CFLAR: variants seen among roughly 807,000 people sequenced by gnomAD.
CFLAR encodes the protein CASP8 and FADD-like apoptosis regulator.
A neutral mutation model predicts 51.1 loss-of-function variants in CFLAR; 14 were observed. That is an observed-to-expected ratio of 0.27 (90% CI 0.18 to 0.43). The LOEUF is 0.43. Ranked by LOEUF, CFLAR falls within the 20% of genes least tolerant of loss-of-function variation. The pLI, the probability that CFLAR is intolerant of heterozygous loss-of-function variation, is 1.00. For missense variants in CFLAR, 390 were observed against 566.5 expected, an observed-to-expected ratio of 0.69 and a Z score of 3.16; for synonymous variants, 210 against 211.6, an observed-to-expected ratio of 0.99 and a Z score of 0.06.
chr2:201,159,439 AG>A (rs2125922711), intron 8 of CFLAR, among the ~76,000 whole-genome samples: 1 of 152,048 alleles, frequency 6.6e-6, no homozygotes, highest in African/African-American at 2.4e-5. Flanking sequence ...CCTCCTGAGT[AG>A]CTGGGACTAC....
intron 2 of CFLAR, chr2:201,132,794 T>C (rs2049504037): frequency 2.6e-6 from 1 of 382,004 alleles, no homozygotes; most frequent in Non-Finnish European, 4.7e-6. Flanking sequence ...AACTGTTAGT[T>C]GGCAAAGGAT....
intron 4 of CFLAR, chr2:201,137,257 C>CA: frequency 4.3e-6 from 1 of 234,210 alleles, no homozygotes; most frequent in Non-Finnish European, 8.5e-6. Flanking sequence ...CTGAGGCAGG[C>CA]ACAGGGCCTG....
chr2:201,129,787 G>C lies in CFLAR; in HGVS notation c.-79G>C, dbSNP rs2125660634. ...GAAGTCAGCCCTCAGAAATGAAGTT[G>C]ACTGCCTGCTGGCTTTCTGTTGACT... On this transcript the variant is annotated 5_prime_UTR_variant, in exon 2 of 10. Transcript: ENST00000309955. The C allele has an allele frequency of 4.4e-6, 6 of 1,360,304 alleles. No individual in the cohort carries two copies. In the East Asian group the frequency reaches 1.4e-4, roughly 31 times the overall value. 84.3% of individuals were successfully genotyped at this position (1,360,304 alleles called of 1,614,324 possible). A position where few individuals can be genotyped will look rare whatever the true frequency, so the allele number is the denominator to read the frequency against.
At chr2:201,145,235 CT>C (rs935360982) in intron 5 of CFLAR, 142 bp from the exon 6 acceptor site, 7 of 544,052 alleles carry the variant, frequency 1.3e-5, no homozygotes, top group African/African-American at 9.7e-5. Flanking sequence ...TCTTGCTATT[CT>C]TTAGATAATT....
At position 201,167,134 on chromosome 2, in the gene CFLAR, T is replaced by C. The variant is rs1426481822; in HGVS notation, c.*3161T>C. 5 of 152,216 alleles carry C rather than the reference T, an allele frequency of 3.3e-5. No individual in the cohort carries two copies. Among genetic ancestry groups the C allele is most frequent in the Non-Finnish European group, 5.9e-5 (4 of 68,036 alleles). 9.4% of individuals were successfully genotyped at this position (152,216 alleles called of 1,614,324 possible). The stretch of plus-strand genomic sequence containing the variant: ...ATCTGTATGTCTATTTGTGTATATT[T>C]TGTCATGATCATGTAACAGAGTCTG... On this transcript the variant is annotated 3_prime_UTR_variant, in exon 10 of 10. Transcript: ENST00000309955.
rs2049079982 is a variant in CFLAR, at chr2:201,129,965, C to T, written c.100C>T (p.Pro34Ser). 2 of 1,614,034 alleles carry T rather than the reference C, an allele frequency of 1.2e-6. No homozygotes were observed. The highest frequency in any genetic ancestry group is 2.7e-5 in the African/African-American group (2 of 74,896). Residue 34 changes from proline to serine, a missense_variant, in exon 2 of 10, where the codon CCA becomes TCA. Pro to Ser is a moderately conservative substitution (Grantham distance 74). Transcript: ENST00000309955. ...CCGGGATGTTGCTATAGATGTGGTT[C>T]CACCTAATGTCAGGGACCTTCTGGA... is the stretch of plus-strand genomic sequence containing the variant. The part of the protein sequence containing the change: ...LCRDVAIDVV[P>S]PNVRDLLDIL...
intron 8 of CFLAR, among the ~76,000 whole-genome samples, chr2:201,159,661 A>C (rs1942775371): frequency 6.6e-6 from 1 of 152,240 alleles, no homozygotes. Flanking sequence ...GAAAAGTAAG[A>C]AGCCTTTTCC....
At chr2:201,161,246 T>C (rs1219706851) in intron 9 of CFLAR, among the ~76,000 whole-genome samples, 1 of 152,148 alleles carries the variant, frequency 6.6e-6, no homozygotes, top group East Asian at 1.9e-4. Context: ...TGGTGTGCGC[T>C]TATAGTCCCA....
At chr2:201,149,915 C>T in intron 8 of CFLAR, 80 bp downstream of exon 8, 1 of 1,058,236 alleles carries the variant, frequency 9.4e-7, no homozygotes. Flanking sequence ...TTGGAGTGAT[C>T]AGCACCAACT....
intron 5 of CFLAR, among the ~76,000 whole-genome samples, chr2:201,140,996 C>T (rs374431221): frequency 4.6e-5 from 7 of 151,946 alleles, no homozygotes; most frequent in South Asian, 2.1e-4. Flanking sequence ...TTTGGGAGGC[C>T]GAGCCGGAAG....
intron 4 of CFLAR, chr2:201,139,423 A>G (rs1210684896): frequency 5.4e-6 from 1 of 186,414 alleles, no homozygotes; most frequent in African/African-American, 2.4e-5. Flanking sequence ...ACACCCATAA[A>G]GGGTCTGTGC....
At position 201,149,050 on chromosome 2, in the gene CFLAR, C is replaced by G. The variant is rs1940795981; in HGVS notation, c.709C>G (p.Gln237Glu). The G allele has an allele frequency of 1.2e-6, 2 of 1,602,790 alleles. No individual in the cohort carries two copies. The highest frequency in any genetic ancestry group is 1.7e-6 in the Non-Finnish European group (2 of 1,169,894). ...TCAGGAATCAGAAGCTTTTTTGCCTCAGGTACAGAATAAATGATCTGATTT... is the reference window on the plus strand; with the variant it reads ...TCAGGAATCAGAAGCTTTTTTGCCTGAGGTACAGAATAAATGATCTGATTT... ...SIQESEAFLPQSIPEERYKMK... is the reference protein window; with the variant it reads ...SIQESEAFLPESIPEERYKMK... The change falls in exon 7 of 10, where the codon CAG (glutamine) becomes GAG (glutamate). Residue 237 changes from glutamine to glutamate, a missense_variant and splice_region_variant. Gln to Glu is a conservative substitution (Grantham distance 29, BLOSUM62 2). This residue lies in a region of CFLAR where 287 missense variants were observed against 363.6 expected (regional missense o/e 0.79). Coordinates refer to ENST00000309955, the MANE Select transcript of CFLAR (RefSeq NM_003879.7).
At chr2:201,131,040 C>G (rs2049256329) in intron 2 of CFLAR, among the ~76,000 whole-genome samples, 1 of 152,184 alleles carries the variant, frequency 6.6e-6, no homozygotes. Flanking sequence ...CATTGAAAAT[C>G]TCTTCAGTTA....
chr2:201,133,481 G>C (rs1368185882), intron 3 of CFLAR, among the ~76,000 whole-genome samples: 1 of 152,086 alleles, frequency 6.6e-6, no homozygotes, highest in Admixed American at 6.6e-5. Flanking sequence ...CAGGAAGGAG[G>C]TGCTAGTCCA....
chr2:201,162,997 G>A (rs760884715), intron 9 of CFLAR: 1 of 748,424 alleles, frequency 1.3e-6, no homozygotes, highest in Non-Finnish European at 2.4e-6. Context: ...GTTTTCTAGG[G>A]GGACAATTCC....
rs117937796 is a variant in CFLAR at position 201,144,855 on chromosome 2, T to A, written c.607-523T>A. On this transcript the variant is annotated intron_variant, in intron 5 of 9. Transcript: ENST00000309955. ...AGCATATTTTTCTTTTCTTTTTTTT[T>A]AATTTTTGTGACAGAGTTTCACTTT... Among the ~76,000 whole-genome samples, 551 of 152,288 alleles carry A rather than the reference T, an allele frequency of 3.6e-3. 4 individuals are homozygous for A. The highest frequency in any genetic ancestry group is 0.011 in the African/African-American group (468 of 41,562).
intron 9 of CFLAR, chr2:201,162,721 C>T: frequency 3.0e-6 from 1 of 332,432 alleles, no homozygotes; most frequent in South Asian, 2.8e-5. Flanking sequence ...ACAGGCACCC[C>T]TCTATCCCAT....
intron 2 of CFLAR, 41 bp downstream of exon 2, chr2:201,130,187 G>GCCA: frequency 1.0e-5 from 3 of 292,392 alleles, no homozygotes; most frequent in East Asian, 9.3e-5. Context: ...GGGTGGGAGG[G>GCCA]AGTGAAGTGT....
chr2:201,141,325 A>G (rs752012429), intron 5 of CFLAR: 1 of 1,538,770 alleles, frequency 6.5e-7, no homozygotes, highest in South Asian at 1.2e-5. Context: ...GTAACTATCC[A>G]GAGATAGTCT....
Sources: allele counts gnomAD v4.1 joint callset (sites outside exome capture counted in the v4.1 genomes callset), GRCh38; gene constraint gnomAD v4.1.1; regional missense constraint gnomAD v4.1.1; transcripts MANE v1.5; gene names NCBI Gene and HGNC (gene_info 2026-07-23, HGNC 2026-07-21).